STK33: variants seen among roughly 807,000 people sequenced by gnomAD.
STK33 encodes the protein serine/threonine-protein kinase 33.
Under a neutral mutation model 58.0 loss-of-function variants are expected in STK33, and 52 were observed. The observed-to-expected ratio is 0.90, with a 90% CI of 0.72 to 1.13. STK33 has a LOEUF of 1.13. Ranked by LOEUF, STK33 falls within the 50% of genes most tolerant of loss-of-function variation. STK33 has a pLI of 0.00. For synonymous variants in STK33, 215 were observed against 200.1 expected (o/e 1.07, Z -0.63); for missense variants, 630 against 604.2 (o/e 1.04, Z -0.45).
intron 1 of STK33, among the ~76,000 whole-genome samples, chr11:8,483,083 A>G (rs1028603983): frequency 1.3e-5 from 2 of 152,184 alleles, no homozygotes; most frequent in African/African-American, 4.8e-5. Flanking sequence ...TAACACTTGT[A>G]AAGTTTCTAG....
intron 15 of STK33, among the ~76,000 whole-genome samples, chr11:8,400,721 C>A (rs1937715846): frequency 6.6e-6 from 1 of 152,100 alleles, no homozygotes; most frequent in Non-Finnish European, 1.5e-5. Context: ...CTAGAAAACC[C>A]CATTATCTCA....
intron 1 of STK33, among the ~76,000 whole-genome samples, chr11:8,525,800 G>A (rs1023473067): frequency 2.0e-5 from 3 of 152,106 alleles, no homozygotes; most frequent in South Asian, 2.1e-4. Flanking sequence ...TTTGCAACAC[G>A]TGATAAAGAG....
At chr11:8,573,935 G>C (rs899739511) in intron 1 of STK33, among the ~76,000 whole-genome samples, 2 of 152,174 alleles carry the variant, frequency 1.3e-5, no homozygotes, top group Non-Finnish European at 2.9e-5. Flanking sequence ...GAGTATAAAG[G>C]AAGGAGTAGA....
chr11:8,564,199 G>A (rs1465808101), intron 1 of STK33, among the ~76,000 whole-genome samples: 4 of 152,180 alleles, frequency 2.6e-5, no homozygotes, highest in East Asian at 3.9e-4. Flanking sequence ...GCTAACAGGT[G>A]GAAGTAAGTA....
intron 14 of STK33, among the ~76,000 whole-genome samples, chr11:8,429,631 G>T (rs563881865): frequency 1.3e-5 from 2 of 151,904 alleles, no homozygotes; most frequent in African/African-American, 4.8e-5. Flanking sequence ...TTGCCACCAC[G>T]ACAACCATAT....
the STK33 span, among the ~76,000 whole-genome samples, chr11:8,356,895 A>C: frequency 6.6e-6 from 1 of 152,164 alleles, no homozygotes; most frequent in South Asian, 2.1e-4. Flanking sequence ...TCTGGAGCTG[A>C]CTGTGCAAGA....
chr11:8,521,192 C>T (rs577818066), intron 1 of STK33, among the ~76,000 whole-genome samples: 2 of 152,140 alleles, frequency 1.3e-5, no homozygotes, highest in South Asian at 4.1e-4. Flanking sequence ...GCCAAAAGAA[C>T]AAAGCTGGAG....
chr11:8,534,568 C>CTCTGTG (rs1402710450), intron 1 of STK33, among the ~76,000 whole-genome samples: 8 of 104,694 alleles, frequency 7.6e-5, no homozygotes, highest in African/African-American at 1.6e-4. Context: ...CTCTCTCTCT[C>CTCTGTG]TGTGTGTGTG....
chr11:8,486,488 T>C (rs1321652711), intron 1 of STK33, among the ~76,000 whole-genome samples: 3 of 152,220 alleles, frequency 2.0e-5, no homozygotes, highest in African/African-American at 7.2e-5. Flanking sequence ...TCATCTCCCC[T>C]GAAATTCTCT....
At chr11:8,338,181 A>G in the STK33 span, among the ~76,000 whole-genome samples, 6 of 152,208 alleles carry the variant, frequency 3.9e-5, no homozygotes, top group African/African-American at 1.4e-4. Context: ...ACCACAGGCC[A>G]TACACAGGGC....
the STK33 span, among the ~76,000 whole-genome samples, chr11:8,337,914 C>A: frequency 3.3e-5 from 5 of 152,184 alleles, no homozygotes; most frequent in Non-Finnish European, 7.3e-5. Flanking sequence ...CTTTCTTGAG[C>A]CACCCCATTT....
At chr11:8,356,021 C>T in the STK33 span, among the ~76,000 whole-genome samples, 4 of 152,210 alleles carry the variant, frequency 2.6e-5, no homozygotes, top group South Asian at 2.1e-4. Context: ...TAAAAGCTGA[C>T]GGGAAAGAAA....
chr11:8,442,755 A>G lies in STK33; in HGVS notation c.872-2002T>C, dbSNP rs771897966. On this transcript the variant is annotated intron_variant, in intron 11 of 15. Transcript: ENST00000687296. ...AACTTTATGCATCTAGCAGACAAAA[A>G]AAGCAACGAATTACGTATACTCTTC... Among the ~76,000 whole-genome samples, 66 of 152,250 alleles carry G rather than the reference A, an allele frequency of 4.3e-4. 1 individual carries two copies. Among genetic ancestry groups the G allele is most frequent in the Non-Finnish European group, 1.2e-4 (8 of 68,044 alleles).
chr11:8,473,296 TAA>T lies in STK33; in HGVS notation c.226-22_226-21del, dbSNP rs77804124. 21 of 1,139,002 alleles carry T rather than the reference TAA, an allele frequency of 1.8e-5. No individual in the cohort carries two copies. Among genetic ancestry groups the T allele is most frequent in the Admixed American group, 2.5e-5 (1 of 40,198 alleles). The allele number at this position is 1,139,002 out of a possible 1,614,324, so 70.6% of individuals were successfully genotyped here. The stretch of plus-strand genomic sequence containing the variant: ...TGAGGGCTGGGACCAAAAAAAAAAT[TAA>T]AAAAAAAAAACTTTAAGATGTAATA... On this transcript the variant is annotated intron_variant, in intron 5 of 15. Transcript: ENST00000687296.
At chr11:8,537,049 C>T (rs1281861369) in intron 1 of STK33, among the ~76,000 whole-genome samples, 2 of 116,568 alleles carry the variant, frequency 1.7e-5, no homozygotes, top group East Asian at 2.9e-4. Flanking sequence ...GGCTCCATCT[C>T]GGGTCACTGC....
chr11:8,422,221 A>T (rs1053614761), intron 14 of STK33, among the ~76,000 whole-genome samples: 3 of 152,140 alleles, frequency 2.0e-5, no homozygotes, highest in Non-Finnish European at 4.4e-5. Context: ...TGAAATGATC[A>T]TATGATTTTT....
At chr11:8,528,831 A>G (rs1273800041) in intron 1 of STK33, among the ~76,000 whole-genome samples, 1 of 152,208 alleles carries the variant, frequency 6.6e-6, no homozygotes, top group African/African-American at 2.4e-5. Context: ...TGGAAGACAA[A>G]CCAAAATGTT....
At chr11:8,482,407 T>C (rs1024361043) in intron 1 of STK33, among the ~76,000 whole-genome samples, 1 of 152,168 alleles carries the variant, frequency 6.6e-6, no homozygotes, top group African/African-American at 2.4e-5. Context: ...AATCCAGCCA[T>C]CTAATAGTTT....
At chr11:8,438,923 C>T (rs985986800) in intron 12 of STK33, among the ~76,000 whole-genome samples, 8 of 152,150 alleles carry the variant, frequency 5.3e-5, no homozygotes, top group African/African-American at 1.2e-4. Flanking sequence ...ATCTAAGCAA[C>T]GATGTGTGTT....
Sources: gnomAD v4.1 joint callset for allele counts (sites outside exome capture counted in the v4.1 genomes callset) on GRCh38, gnomAD v4.1.1 for gene constraint, MANE v1.5 for transcripts, NCBI Gene and HGNC (gene_info 2026-07-23, HGNC 2026-07-21) for gene names.